Variants in EDIL3 observed in about 807,000 individuals in gnomAD.
EDIL3 encodes EGF like and discoidin domains 3.
In EDIL3, 37 loss-of-function variants were observed where a neutral mutation model predicts 67.4. The observed-to-expected ratio is 0.55, with a 90% CI of 0.42 to 0.72. The LOEUF (loss-of-function observed/expected upper bound fraction) is 0.72. EDIL3 is among the 30% of genes least tolerant of loss of function. EDIL3 has a pLI of 0.00. For synonymous variants in EDIL3, 195 were observed against 196.3 expected, an observed-to-expected ratio of 0.99 and a Z score of 0.05; for missense variants, 527 against 586.3, an observed-to-expected ratio of 0.90 and a Z score of 1.04.
At chr5:84,329,666 G>A (rs139040344) in intron 1 of EDIL3, among the ~76,000 whole-genome samples, 8 of 151,968 alleles carry the variant, frequency 5.3e-5, no homozygotes, top group South Asian at 2.1e-4. Context: ...TTGCTTCTTC[G>A]TTCTACTATA....
intron 6 of EDIL3, among the ~76,000 whole-genome samples, chr5:84,089,456 A>G (rs982461586): frequency 3.9e-5 from 6 of 152,164 alleles, no homozygotes; most frequent in African/African-American, 1.4e-4. Context: ...GGCCCTCCTT[A>G]TATCTGCCTC....
At chr5:84,196,137 A>T (rs1743699040) in intron 3 of EDIL3, among the ~76,000 whole-genome samples, 1 of 151,968 alleles carries the variant, frequency 6.6e-6, no homozygotes, top group South Asian at 2.1e-4. Flanking sequence ...ATGGCCATAA[A>T]CTCAGGAAAC....
At chr5:84,351,205 G>T (rs1455288742) in intron 1 of EDIL3, among the ~76,000 whole-genome samples, 2 of 152,076 alleles carry the variant, frequency 1.3e-5, no homozygotes, top group African/African-American at 4.8e-5. Context: ...TCTTATTAGT[G>T]CTGTTTGCAC....
At chr5:84,179,084 G>A (rs1748970795) in intron 4 of EDIL3, among the ~76,000 whole-genome samples, 1 of 152,116 alleles carries the variant, frequency 6.6e-6, no homozygotes, top group African/African-American at 2.4e-5. Context: ...ACTTGGGGTG[G>A]CCAGTCTGTT....
chr5:84,290,853 C>T (rs1745900152), intron 1 of EDIL3, among the ~76,000 whole-genome samples: 1 of 152,122 alleles, frequency 6.6e-6, no homozygotes. Context: ...TCAAACCTAG[C>T]CAAAGATCCT....
intron 9 of EDIL3, among the ~76,000 whole-genome samples, chr5:84,030,156 G>T (rs918339387): frequency 1.3e-5 from 2 of 152,140 alleles, no homozygotes; most frequent in African/African-American, 4.8e-5. Flanking sequence ...AAAGATAAAT[G>T]CAGTGCAACA....
At chr5:84,193,336 G>A (rs762819788) in intron 3 of EDIL3, among the ~76,000 whole-genome samples, 22 of 151,878 alleles carry the variant, frequency 1.4e-4, no homozygotes, top group Admixed American at 2.0e-4. Context: ...GAGAAGGGTC[G>A]AAGAAGACTA....
At chr5:84,051,661 T>C (rs531634243) in intron 9 of EDIL3, among the ~76,000 whole-genome samples, 2 of 152,234 alleles carry the variant, frequency 1.3e-5, no homozygotes, top group South Asian at 2.1e-4. Flanking sequence ...ACGTGACAAA[T>C]GCACAAGCTT....
chr5:84,241,868 G>A (rs1226027338), intron 2 of EDIL3, among the ~76,000 whole-genome samples: 2 of 151,792 alleles, frequency 1.3e-5, no homozygotes, highest in Non-Finnish European at 1.5e-5. Flanking sequence ...GTAACTCCTG[G>A]GTGGCACTTA....
At chr5:83,990,879 CAATAAATAAATAAATAAATAAATAAATA>C (rs200045595) in intron 9 of EDIL3, among the ~76,000 whole-genome samples, 1 of 140,286 alleles carries the variant, frequency 7.1e-6, no homozygotes, top group African/African-American at 2.7e-5. Context: ...GACTCTGTCT[CAATAAATAAATAAATAAATAAATAAATA>C]AATAAATAAA....
rs149870773 is a variant in EDIL3 at position 84,017,295 on chromosome 5, G to A, written c.1137+43005C>T. ...TGCTATGCAGGGCTTTGCTACTGGC[G>A]AGCTTTTCCTTTTATTCAGTTTGGT... On this transcript the variant is annotated intron_variant, in intron 9 of 10. Coordinates refer to ENST00000296591, the MANE Select transcript of EDIL3 (RefSeq NM_005711.5). Among the ~76,000 whole-genome samples, 911 of 152,144 alleles carry A rather than the reference G, an allele frequency of 6.0e-3. 12 individuals are homozygous for A. Among genetic ancestry groups the A allele is most frequent in the African/African-American group, 0.021 (860 of 41,528 alleles).
chr5:84,164,554 A>C (rs1488275276), intron 4 of EDIL3, among the ~76,000 whole-genome samples: 2 of 152,104 alleles, frequency 1.3e-5, no homozygotes, highest in Non-Finnish European at 2.9e-5. Flanking sequence ...TCAAGTTCAA[A>C]AGACAAGATA....
chr5:83,976,663 A>G (rs775679631), intron 9 of EDIL3, among the ~76,000 whole-genome samples: 4 of 151,648 alleles, frequency 2.6e-5, no homozygotes, highest in Non-Finnish European at 5.9e-5. Context: ...CAACCCGAGA[A>G]CTGTGACATC....
At chr5:83,983,988 G>A (rs898814867) in intron 9 of EDIL3, among the ~76,000 whole-genome samples, 10 of 151,932 alleles carry the variant, frequency 6.6e-5, no homozygotes, top group African/African-American at 1.7e-4. Flanking sequence ...TCTCTTGCTA[G>A]GGCTGGAAAG....
intron 9 of EDIL3, among the ~76,000 whole-genome samples, chr5:83,971,337 C>T (rs1021918918): frequency 6.7e-5 from 10 of 150,140 alleles, no homozygotes; most frequent in Non-Finnish European, 1.5e-4. Context: ...GAGTGAAGTG[C>T]ATGATCATAG....
At chr5:84,138,910 C>T (rs975114217) in intron 4 of EDIL3, among the ~76,000 whole-genome samples, 2 of 152,290 alleles carry the variant, frequency 1.3e-5, no homozygotes, top group Admixed American at 6.5e-5. Context: ...TCAGAATCTG[C>T]TAATCTCTAA....
chr5:83,982,648 T>C (rs1744989043), intron 9 of EDIL3, among the ~76,000 whole-genome samples: 2 of 152,160 alleles, frequency 1.3e-5, no homozygotes, highest in South Asian at 4.1e-4. Context: ...AGATTAATAG[T>C]AATTTCGTGT....
At chr5:84,036,252 G>T (rs1407717267) in intron 9 of EDIL3, among the ~76,000 whole-genome samples, 1 of 152,124 alleles carries the variant, frequency 6.6e-6, no homozygotes, top group African/African-American at 2.4e-5. Context: ...GGCAGATTCA[G>T]TGCTTCTCAC....
intron 10 of EDIL3, among the ~76,000 whole-genome samples, chr5:83,959,792 A>G (rs974646420): frequency 2.6e-5 from 4 of 150,990 alleles, no homozygotes; most frequent in Non-Finnish European, 5.9e-5. Flanking sequence ...GTATGAAATG[A>G]TACATAAAAT....
Sources: allele counts gnomAD v4.1 joint callset (sites outside exome capture counted in the v4.1 genomes callset), GRCh38; gene constraint gnomAD v4.1.1; transcripts MANE v1.5; gene names NCBI Gene and HGNC (gene_info 2026-07-23, HGNC 2026-07-21).